RELN: variants seen among roughly 807,000 people sequenced by gnomAD.
The protein encoded by RELN is reelin.
A neutral mutation model predicts 427.6 loss-of-function variants in RELN; 108 were observed. That is an observed-to-expected ratio of 0.25 (90% CI 0.22 to 0.30). The LOEUF is 0.30. Among genes scored for constraint, RELN ranks in the 10% least tolerant of loss-of-function variants. The probability of loss-of-function intolerance (pLI) is 1.00; values close to 1 mark genes in which losing one functional copy is unlikely to be tolerated. For synonymous variants in RELN, 1,524 were observed against 1,513.4 expected (o/e 1.01, Z -0.16); for missense variants, 3,715 against 4,302.8 (o/e 0.86, Z 3.82).
chr7:103,700,603 A>C (rs981007030), intron 9 of RELN, among the ~76,000 whole-genome samples: 1 of 152,094 alleles, frequency 6.6e-6, no homozygotes, highest in African/African-American at 2.4e-5. Context: ...ACCTAGAGCA[A>C]TGGGTGGTGA....
At chr7:103,631,025 G>A (rs887140382) in intron 19 of RELN, among the ~76,000 whole-genome samples, 8 of 151,836 alleles carry the variant, frequency 5.3e-5, no homozygotes, top group African/African-American at 1.5e-4. Context: ...GAAGAAACAC[G>A]CTAAACCACC....
chr7:103,701,279 A>T (rs1834085626), intron 8 of RELN, among the ~76,000 whole-genome samples: 1 of 152,146 alleles, frequency 6.6e-6, no homozygotes, highest in South Asian at 2.1e-4. Flanking sequence ...TAAAACAAAT[A>T]CTTAGTGCTA....
At chr7:103,987,809 T>C (rs1457675102) in intron 1 of RELN, among the ~76,000 whole-genome samples, 5 of 152,234 alleles carry the variant, frequency 3.3e-5, no homozygotes. Flanking sequence ...TTTTCCAAAA[T>C]TATTTCTAAA....
chr7:103,816,419 AAAT>A (rs1792870693), intron 3 of RELN, among the ~76,000 whole-genome samples: 1 of 152,170 alleles, frequency 6.6e-6, no homozygotes, highest in African/African-American at 2.4e-5. Flanking sequence ...TGTCTAATGT[AAAT>A]AATATTTTAC....
intron 1 of RELN, among the ~76,000 whole-genome samples, chr7:103,930,154 T>G (rs6954835): frequency 0.53 from 80,585 of 151,964 alleles, 22,063 homozygotes; most frequent in East Asian, 0.74. Flanking sequence ...CTGAGAGCAA[T>G]GTGTTCACAG....
Position 103,515,293 on chromosome 7 carries a change from G to A in RELN, c.8011C>T (p.Leu2671=). 2.5e-6 allele frequency: 4 copies of A among 1,614,162 alleles called. No homozygotes were observed. Among genetic ancestry groups the A allele is most frequent in the Non-Finnish European group, 3.4e-6 (4 of 1,180,012 alleles). ...ACTGGGGCGCTGCTGAAGGTGTCCAGCATAACGGTCCTTTGGTCAGCAGAG... is the reference window on the plus strand; with the variant it reads ...ACTGGGGCGCTGCTGAAGGTGTCCAACATAACGGTCCTTTGGTCAGCAGAG... ...SGSADQRTVM[L]DTFSSAPVPQ... is the part of the protein sequence containing the mutation. The change falls in exon 50 of 65, where the codon CTG becomes TTG. Residue 2671 remains leucine, a synonymous_variant. Transcript: ENST00000428762.
At chr7:103,798,681 G>T (rs1331077449) in intron 3 of RELN, among the ~76,000 whole-genome samples, 1 of 152,176 alleles carries the variant, frequency 6.6e-6, no homozygotes, top group East Asian at 1.9e-4. Flanking sequence ...GACATCTCTA[G>T]GGCATTGCTT....
intron 38 of RELN, among the ~76,000 whole-genome samples, chr7:103,556,328 C>T (rs1380909264): frequency 6.6e-6 from 1 of 151,840 alleles, no homozygotes; most frequent in Non-Finnish European, 1.5e-5. Context: ...AATGATAATG[C>T]TGGATTATTT....
At chr7:103,949,101 G>A (rs927114168) in intron 1 of RELN, among the ~76,000 whole-genome samples, 36 of 145,620 alleles carry the variant, frequency 2.5e-4, no homozygotes, top group African/African-American at 8.6e-4. Flanking sequence ...ACACACACAC[G>A]CACACATATA....
intron 6 of RELN, among the ~76,000 whole-genome samples, chr7:103,741,993 G>A (rs373804436): frequency 7.2e-5 from 11 of 152,218 alleles, no homozygotes; most frequent in Admixed American, 2.6e-4. Flanking sequence ...CACCACCGAG[G>A]AGCCTAACTG....
At chr7:103,508,216 G>T (rs1829280841) in intron 51 of RELN, among the ~76,000 whole-genome samples, 1 of 152,038 alleles carries the variant, frequency 6.6e-6, no homozygotes, top group Non-Finnish European at 1.5e-5. Flanking sequence ...CCAAAACCTG[G>T]CAGAGACACC....
intron 28 of RELN, among the ~76,000 whole-genome samples, chr7:103,582,351 C>A (rs1159941351): frequency 1.3e-5 from 2 of 152,208 alleles, no homozygotes; most frequent in Non-Finnish European, 2.9e-5. Context: ...TATGGCAAGT[C>A]AAATTCTTAA....
intron 11 of RELN, 41 bp downstream of exon 11, chr7:103,682,075 T>G: frequency 6.3e-7 from 1 of 1,591,294 alleles, no homozygotes; most frequent in Non-Finnish European, 8.6e-7. Context: ...AGAATAAATG[T>G]AAGTGCTACA....
Position 103,497,938 on chromosome 7 carries a change from C to A in RELN, c.8844-12G>T, listed in dbSNP as rs1828890169. Reference sequence around the variant, plus strand: ...AGTATTGCAGGAACCTGAATGCAAGCACATTTTATCCATCAGAATAATTCA... The same window carrying A: ...AGTATTGCAGGAACCTGAATGCAAGAACATTTTATCCATCAGAATAATTCA... On this transcript the variant is annotated splice_polypyrimidine_tract_variant and intron_variant, in intron 54 of 64. Coordinates refer to ENST00000428762, the MANE Select transcript of RELN (RefSeq NM_005045.4). 6.2e-7 allele frequency: 1 copy of A among 1,611,408 alleles called. No individual in the cohort carries two copies. The highest frequency in any genetic ancestry group is 8.5e-7 in the Non-Finnish European group (1 of 1,177,740).
rs13235135 is a variant in RELN at position 103,500,990 on chromosome 7, A to G, written c.8490-68T>C. ...ACTGTATTTAGGTCCATTGTCCTGCATGTGTATTCAGTACTCAAGAGAAAA... is the reference window on the plus strand; with the variant it reads ...ACTGTATTTAGGTCCATTGTCCTGCGTGTGTATTCAGTACTCAAGAGAAAA... On this transcript the variant is annotated intron_variant, in intron 52 of 64. Coordinates refer to ENST00000428762, the MANE Select transcript of RELN (RefSeq NM_005045.4). The G allele has an allele frequency of 0.17, 230,340 of 1,388,698 alleles. 20,942 individuals are homozygous for G. Among genetic ancestry groups the G allele is most frequent in the East Asian group, 0.33 (14,336 of 43,740 alleles). 86.0% of individuals were successfully genotyped at this position (1,388,698 alleles called of 1,614,324 possible).
intron 40 of RELN, among the ~76,000 whole-genome samples, chr7:103,552,729 T>C (rs987195464): frequency 6.6e-6 from 1 of 152,076 alleles, no homozygotes; most frequent in South Asian, 2.1e-4. Context: ...CTTGAACTCC[T>C]GACCTCATGA....
chr7:103,682,078 G>C, intron 11 of RELN, 38 bp downstream of exon 11: 1 of 1,594,488 alleles, frequency 6.3e-7, no homozygotes, highest in Non-Finnish European at 8.6e-7. Flanking sequence ...ATAAATGTAA[G>C]TGCTACATAC....
chr7:103,672,349 C>A (rs1352594272), intron 11 of RELN, among the ~76,000 whole-genome samples: 4 of 152,078 alleles, frequency 2.6e-5, no homozygotes, highest in Admixed American at 2.0e-4. Context: ...GTGCCAAGAG[C>A]AAAGATGGCG....
At position 103,824,337 on chromosome 7, in the gene RELN, A is replaced by C. The variant is rs1216504893; in HGVS notation, c.473+9200T>G. 6.6e-6 allele frequency among the ~76,000 whole-genome samples: 1 copy of C among 152,074 alleles called. No individual in the cohort carries two copies. Among genetic ancestry groups the C allele is most frequent in the Non-Finnish European group, 1.5e-5 (1 of 68,004 alleles). On this transcript the variant is annotated intron_variant, in intron 3 of 64. Coordinates refer to ENST00000428762, the MANE Select transcript of RELN (RefSeq NM_005045.4). The surrounding 1 kb of genome is among the most constrained non-coding windows in gnomAD (Gnocchi z 4.4). ...GGTTTTATCTTCTTACAAGTAACTTATCTTGACCAAAGGCTCCACTCAGAT... is the reference window on the plus strand; with the variant it reads ...GGTTTTATCTTCTTACAAGTAACTTCTCTTGACCAAAGGCTCCACTCAGAT...
Sources: gnomAD v4.1 joint callset for allele counts (sites outside exome capture counted in the v4.1 genomes callset) on GRCh38, gnomAD v4.1.1 for gene constraint, Gnocchi (gnomAD v3.1) non-coding constraint, MANE v1.5 for transcripts, NCBI Gene and HGNC (gene_info 2026-07-23, HGNC 2026-07-21) for gene names.